The following FBXO40 variants were observed in gnomAD, a reference collection of about 807,000 sequenced individuals.
The protein encoded by FBXO40 is F-box only protein 40.
A neutral mutation model predicts 49.9 loss-of-function variants in FBXO40; 50 were observed. That is an observed-to-expected ratio of 1.00 (90% CI 0.80 to 1.27). FBXO40 has a LOEUF of 1.27. Among genes scored for constraint, FBXO40 ranks in the 50% most tolerant of loss-of-function variants. The pLI is 0.00. For missense variants in FBXO40, 895 were observed against 870.1 expected, an observed-to-expected ratio of 1.03 and a Z score of -0.36; for synonymous variants, 340 against 320.2, an observed-to-expected ratio of 1.06 and a Z score of -0.66.
In FBXO40 at chr3:121,623,249, G is replaced by C; in HGVS notation, c.1820G>C (p.Cys607Ser). ...GTGTCTGTGCTGATGAGGAATATCT[G>C]TGCCACTTTGTTACAAGAGAGAGGA... ...SQVSVLMRNI[C>S]ATLLQERGMV... The change falls in exon 3 of 4, where the codon TGT becomes TCT. Residue 607 changes from cysteine (C) to serine (S), a missense_variant. Physicochemically the swap from Cys to Ser is moderately radical, Grantham distance 112. Coordinates refer to ENST00000338040, the MANE Select transcript of FBXO40 (RefSeq NM_016298.4). 1 of 1,614,178 alleles carries C rather than the reference G, an allele frequency of 6.2e-7. No homozygotes were observed. Among genetic ancestry groups the C allele is most frequent in the East Asian group, 2.2e-5 (1 of 44,892 alleles).
Position 121,623,199 on chromosome 3 carries a change from C to T in FBXO40, c.1770C>T (p.Ser590=), listed in dbSNP as rs368217296. The T allele has an allele frequency of 1.3e-5, 21 of 1,614,184 alleles. No individual in the cohort carries two copies. The African/African-American group carries it at 1.5e-4, about 11-fold the overall frequency. ...AGTACATTGCTGGGTTCTTGGACAG[C>T]GTCAGCCTGGCCCAGCTCTCCCAGG... The part of the protein sequence containing the change: ...ILKYIAGFLD[S]VSLAQLSQVS... The change falls in exon 3 of 4, where the codon AGC becomes AGT. Residue 590 remains serine (S), a synonymous_variant. Transcript: ENST00000338040.
At chr3:121,609,767 G>A (rs1324952733) in intron 1 of FBXO40, among the ~76,000 whole-genome samples, 1 of 152,220 alleles carries the variant, frequency 6.6e-6, no homozygotes, top group Non-Finnish European at 1.5e-5. Flanking sequence ...GAAAACCAGA[G>A]TCCCTGAAGG....
intron 1 of FBXO40, among the ~76,000 whole-genome samples, chr3:121,614,978 G>C (rs1334788771): frequency 6.6e-6 from 1 of 152,140 alleles, no homozygotes; most frequent in Non-Finnish European, 1.5e-5. Flanking sequence ...CCAGCACTTC[G>C]GGAGGCCGAG....
chr3:121,594,488 G>A lies in FBXO40; in HGVS notation c.-31+986G>A, dbSNP rs959561944. Reference sequence around the variant, plus strand: ...AGTGCTGAGAATACAAGCATGAGCCGCTGTGCCTGATCAGAATTTCTGTTT... The same window carrying A: ...AGTGCTGAGAATACAAGCATGAGCCACTGTGCCTGATCAGAATTTCTGTTT... On this transcript the variant is annotated intron_variant, in intron 1 of 3. Transcript: ENST00000338040. Among the ~76,000 whole-genome samples, 5 of 152,202 alleles carry A rather than the reference G, an allele frequency of 3.3e-5. No individual in the cohort carries two copies. The South Asian group carries it at 6.2e-4, about 19-fold the overall frequency.
At chr3:121,609,081 A>G (rs79390407) in intron 1 of FBXO40, among the ~76,000 whole-genome samples, 1,544 of 152,182 alleles carry the variant, frequency 0.01, 29 homozygotes, top group African/African-American at 0.028. Context: ...CCATCCCTAA[A>G]AAGGCCCACA....
chr3:121,607,341 A>C (rs2048937580), intron 1 of FBXO40, among the ~76,000 whole-genome samples: 1 of 103,626 alleles, frequency 9.7e-6, no homozygotes, highest in Non-Finnish European at 1.8e-5. Context: ...ATGGAGTCTC[A>C]CTCTGTTGTC....
At position 121,622,451 on chromosome 3, in the gene FBXO40, C is replaced by G. The variant is rs1190505666; in HGVS notation, c.1022C>G (p.Ala341Gly). ...GACTTTGTTTATGGCAAGCTGGAGG[C>G]TCAGGAAGTTAAGACTGTTTACACC... ...ERDFVYGKLE[A>G]QEVKTVYTFK... The change falls in exon 3 of 4, where the codon GCT (alanine) becomes GGT (glycine). Residue 341 changes from alanine to glycine, a missense_variant. By Grantham distance (60) the Ala-to-Gly change is moderately conservative. Coordinates refer to ENST00000338040, the MANE Select transcript of FBXO40 (RefSeq NM_016298.4). 5.6e-6 allele frequency: 9 copies of G among 1,614,210 alleles called. No homozygotes were observed. The East Asian group carries it at 2.0e-4, about 36-fold the overall frequency.
chr3:121,622,167 C>T lies in FBXO40; in HGVS notation c.738C>T (p.Ser246=), dbSNP rs758806499. ...ASCESKNKND[S]EKEQISSGHN... is the part of the protein sequence containing the mutation. The stretch of plus-strand genomic sequence containing the variant: ...GTGAGAGCAAGAACAAGAATGACTC[C>T]GAGAAAGAACAGATTTCCAGTGGCC... Residue 246 remains serine, a synonymous_variant, in exon 3 of 4, where the codon TCC becomes TCT. Transcript: ENST00000338040. The T allele has an allele frequency of 7.6e-5, 122 of 1,613,998 alleles. No homozygotes were observed. The Middle Eastern group carries it at 8.2e-4, about 11-fold the overall frequency.
intron 1 of FBXO40, among the ~76,000 whole-genome samples, chr3:121,600,502 G>C (rs1240531280): frequency 6.6e-6 from 1 of 152,276 alleles, no homozygotes. Flanking sequence ...CATAAGGAAG[G>C]AGGGGCTTCT....
intron 1 of FBXO40, among the ~76,000 whole-genome samples, chr3:121,600,570 C>A (rs913593026): frequency 3.4e-4 from 52 of 152,334 alleles, no homozygotes; most frequent in African/African-American, 1.3e-3. Context: ...CATGTGGACA[C>A]TATTCTGTGC....
intron 1 of FBXO40, among the ~76,000 whole-genome samples, chr3:121,605,127 C>T (rs574034346): frequency 3.1e-4 from 47 of 152,190 alleles, no homozygotes; most frequent in African/African-American, 1.0e-3. Context: ...TGTGCACCAC[C>T]ACACCTGGAT....
At chr3:121,618,041 G>T (rs531205837) in intron 1 of FBXO40, among the ~76,000 whole-genome samples, 2 of 152,100 alleles carry the variant, frequency 1.3e-5, no homozygotes, top group South Asian at 4.1e-4. Flanking sequence ...CCAACATAAA[G>T]AAAAGTGTTT....
intron 1 of FBXO40, among the ~76,000 whole-genome samples, chr3:121,608,746 C>T (rs1397067521): frequency 6.6e-6 from 1 of 152,184 alleles, no homozygotes; most frequent in Non-Finnish European, 1.5e-5. Context: ...GTAGCTGCAA[C>T]AGCCCAAAGG....
chr3:121,599,460 C>A (rs1309591225), intron 1 of FBXO40, among the ~76,000 whole-genome samples: 1 of 105,664 alleles, frequency 9.5e-6, no homozygotes, highest in Non-Finnish European at 1.9e-5. Context: ...AGGAGCGAGA[C>A]TCTGACTCAA....
chr3:121,626,377 T>C (rs574818949), intron 3 of FBXO40, among the ~76,000 whole-genome samples: 14 of 152,318 alleles, frequency 9.2e-5, no homozygotes, highest in African/African-American at 3.4e-4. Context: ...TGGTACTAAT[T>C]GTTCTGATTT....
At chr3:121,625,208 T>C (rs1331867716) in intron 3 of FBXO40, among the ~76,000 whole-genome samples, 4 of 152,226 alleles carry the variant, frequency 2.6e-5, no homozygotes, top group African/African-American at 9.6e-5. Context: ...CATACTGAAG[T>C]GAGGCACCTA....
Position 121,620,558 on chromosome 3 carries a change from A to G in FBXO40, c.-18A>G, listed in dbSNP as rs755704252. 6.2e-7 allele frequency: 1 copy of G among 1,614,162 alleles called. No homozygotes were observed. The highest frequency in any genetic ancestry group is 1.1e-5 in the South Asian group (1 of 91,078). On this transcript the variant is annotated 5_prime_UTR_variant, in exon 2 of 4. Transcript: ENST00000338040. ...TATTTTCCCGTAGAGCTAAGAAGCA[A>G]GAAGAAATTGGGGCGCCATGGTAAG...
intron 1 of FBXO40, among the ~76,000 whole-genome samples, chr3:121,595,052 AG>A: frequency 6.6e-6 from 1 of 152,336 alleles, no homozygotes; most frequent in East Asian, 1.9e-4. Flanking sequence ...ATGCAGCAAA[AG>A]GGATTCTGTA....
chr3:121,625,327 T>C (rs2049055680), intron 3 of FBXO40, among the ~76,000 whole-genome samples: 1 of 152,230 alleles, frequency 6.6e-6, no homozygotes, highest in South Asian at 2.1e-4. Flanking sequence ...ATAATCTCAC[T>C]GTTGAATTTC....
Sources: allele counts gnomAD v4.1 joint callset (sites outside exome capture counted in the v4.1 genomes callset), GRCh38; gene constraint gnomAD v4.1.1; transcripts MANE v1.5; gene names NCBI Gene and HGNC (gene_info 2026-07-23, HGNC 2026-07-21).